ADAMTSL1: variants seen among roughly 807,000 people sequenced by gnomAD.
The protein encoded by ADAMTSL1 is ADAMTS-like protein 1.
ADAMTSL1 carries 126 observed loss-of-function variants against 201.8 expected under a neutral mutation model. The observed-to-expected ratio is 0.62, with a 90% confidence interval of 0.54 to 0.72. ADAMTSL1 has a LOEUF of 0.72. Among genes scored for constraint, ADAMTSL1 ranks in the 30% least tolerant of loss-of-function variants. ADAMTSL1 has a pLI of 0.00. For missense variants in ADAMTSL1, 2,679 were observed against 2,277.8 expected (o/e 1.18, Z -3.59); for synonymous variants, 1,121 against 903.4 (o/e 1.24, Z -4.32).
chr9:18,753,808 C>G (rs1819598226), intron 16 of ADAMTSL1, among the ~76,000 whole-genome samples: 1 of 152,136 alleles, frequency 6.6e-6, no homozygotes, highest in African/African-American at 2.4e-5. Context: ...TTTTTAAAAT[C>G]AAGACAATGT....
intron 1 of ADAMTSL1, among the ~76,000 whole-genome samples, chr9:18,160,569 T>A (rs532294021): frequency 6.6e-6 from 1 of 152,054 alleles, no homozygotes; most frequent in Admixed American, 6.6e-5. Context: ...CTGCAAGGTG[T>A]TTTTTTACAT....
chr9:18,428,516 A>C (rs1344683075), intron 2 of ADAMTSL1, among the ~76,000 whole-genome samples: 1 of 151,990 alleles, frequency 6.6e-6, no homozygotes, highest in Non-Finnish European at 1.5e-5. Flanking sequence ...GCTACTCAGG[A>C]GGCTGAGATG....
At position 18,400,145 on chromosome 9, in the gene ADAMTSL1, T is replaced by G. The variant is rs1258920159; in HGVS notation, c.208-104684T>G. Among the ~76,000 whole-genome samples the G allele has an allele frequency of 5.9e-5, 9 of 152,178 alleles. No homozygotes were observed. The East Asian group carries it at 1.7e-3, about 29-fold the overall frequency. On this transcript the variant is annotated intron_variant, in intron 2 of 29. Coordinates refer to the ADAMTSL1 transcript ENST00000680146. Reference sequence around the variant, plus strand: ...ACTCCCTCTTTCCAAAGCCATTAAGTTTTTTCTTTTTTTTACCCTAGAACT... The same window carrying G: ...ACTCCCTCTTTCCAAAGCCATTAAGGTTTTTCTTTTTTTTACCCTAGAACT...
chr9:18,422,376 A>G (rs1046264035), intron 2 of ADAMTSL1, among the ~76,000 whole-genome samples: 1 of 152,192 alleles, frequency 6.6e-6, no homozygotes, highest in Non-Finnish European at 1.5e-5. Context: ...AGACCATGAA[A>G]TAATACATTG....
In ADAMTSL1 at chr9:18,894,345, C is replaced by T. The variant is rs78031180; in HGVS notation, c.4851+1749C>T. ...CCTGGGTGACAGAGCAAAACCTTGT[C>T]TTTTTTTTTTTTTTTTGAAAAAGGT... On this transcript the variant is annotated intron_variant, in intron 26 of 28. Transcript: ENST00000380548. 1.7e-3 allele frequency among the ~76,000 whole-genome samples: 205 copies of T among 123,916 alleles called. 1 individual carries two copies. Among genetic ancestry groups the T allele is most frequent in the Admixed American group, 1.9e-3 (23 of 11,918 alleles). The allele number at this position is 123,916 out of a possible 152,430, so 81.3% of individuals were successfully genotyped here. A position where few individuals can be genotyped will look rare whatever the true frequency, so the allele number is the denominator to read the frequency against.
At chr9:18,601,694 T>G (rs945507165) in intron 4 of ADAMTSL1, among the ~76,000 whole-genome samples, 2 of 152,112 alleles carry the variant, frequency 1.3e-5, no homozygotes, top group African/African-American at 4.8e-5. Flanking sequence ...ATTAAATATG[T>G]GTAGCATATA....
chr9:18,481,584 C>A (rs968665645), intron 1 of ADAMTSL1, among the ~76,000 whole-genome samples: 1 of 152,072 alleles, frequency 6.6e-6, no homozygotes, highest in Non-Finnish European at 1.5e-5. Context: ...TCAATTTCCC[C>A]ACAAGCTGGT....
At chr9:18,616,297 T>C (rs904732521) in intron 4 of ADAMTSL1, among the ~76,000 whole-genome samples, 6 of 152,322 alleles carry the variant, frequency 3.9e-5, no homozygotes, top group Admixed American at 3.9e-4. Context: ...AGTGTTGGGA[T>C]TACAGGCATA....
chr9:18,651,840 G>C lies in ADAMTSL1; in HGVS notation c.835-5799G>C, dbSNP rs143094329. On this transcript the variant is annotated intron_variant, in intron 7 of 28. Coordinates refer to ENST00000380548, the MANE Select transcript of ADAMTSL1 (RefSeq NM_001040272.6). Reference sequence around the variant, plus strand: ...TACAAAACTTGCTTTTATTATAAGAGGTAACAATACAAGGAGTCTGGAGAG... The same window carrying C: ...TACAAAACTTGCTTTTATTATAAGACGTAACAATACAAGGAGTCTGGAGAG... Among the ~76,000 whole-genome samples the C allele has an allele frequency of 7.1e-3, 1,080 of 151,892 alleles. 27 individuals carry two copies. The highest frequency in any genetic ancestry group is 0.052 in the Admixed American group (792 of 15,220).
chr9:18,049,838 T>G (rs1283980218), intron 1 of ADAMTSL1, among the ~76,000 whole-genome samples: 2 of 152,156 alleles, frequency 1.3e-5, no homozygotes, highest in Non-Finnish European at 2.9e-5. Context: ...TTAGCCAGGA[T>G]GGTCTCGATC....
At chr9:18,154,249 C>T (rs190108650) in intron 1 of ADAMTSL1, among the ~76,000 whole-genome samples, 60 of 152,110 alleles carry the variant, frequency 3.9e-4, no homozygotes, top group African/African-American at 1.1e-3. Flanking sequence ...CCAACCCAAA[C>T]GTAGTGGTTT....
At chr9:18,059,734 T>C (rs935392540) in intron 1 of ADAMTSL1, among the ~76,000 whole-genome samples, 2 of 152,226 alleles carry the variant, frequency 1.3e-5, no homozygotes, top group African/African-American at 4.8e-5. Flanking sequence ...CCCATGTTTT[T>C]ATTCTTTTTA....
At chr9:18,080,539 T>C (rs1203493151) in intron 1 of ADAMTSL1, among the ~76,000 whole-genome samples, 3 of 152,220 alleles carry the variant, frequency 2.0e-5, no homozygotes, top group Non-Finnish European at 4.4e-5. Context: ...CGTATTATGT[T>C]GTCTCTACAA....
chr9:18,091,894 C>G (rs1366668715), intron 1 of ADAMTSL1, among the ~76,000 whole-genome samples: 1 of 151,854 alleles, frequency 6.6e-6, no homozygotes, highest in Non-Finnish European at 1.5e-5. Context: ...TTAGTGAACG[C>G]TAGAGAGGCT....
chr9:18,135,111 A>G (rs1803078218), intron 1 of ADAMTSL1, among the ~76,000 whole-genome samples: 1 of 152,136 alleles, frequency 6.6e-6, no homozygotes, highest in African/African-American at 2.4e-5. Flanking sequence ...TATCTGACTG[A>G]GATATTTCAG....
intron 2 of ADAMTSL1, among the ~76,000 whole-genome samples, chr9:18,288,793 C>A (rs1833129135): frequency 6.6e-6 from 1 of 152,168 alleles, no homozygotes; most frequent in Admixed American, 6.5e-5. Context: ...TGGCTGTTCC[C>A]AGGATAATTT....
At chr9:18,441,719 A>G (rs1820001811) in intron 2 of ADAMTSL1, among the ~76,000 whole-genome samples, 1 of 152,184 alleles carries the variant, frequency 6.6e-6, no homozygotes, top group Non-Finnish European at 1.5e-5. Context: ...AAGAAGACAA[A>G]AACCTTAAAT....
intron 2 of ADAMTSL1, among the ~76,000 whole-genome samples, chr9:18,288,855 G>A (rs4961632): frequency 0.42 from 63,386 of 151,986 alleles, 14,787 homozygotes; most frequent in South Asian, 0.62. Flanking sequence ...TAGGAAGCCA[G>A]TGTGGTATAA....
At chr9:18,906,972 G>A (rs986654016) in intron 28 of ADAMTSL1, 60 bp downstream of exon 28, 5 of 1,590,534 alleles carry the variant, frequency 3.1e-6, no homozygotes, top group Non-Finnish European at 4.3e-6. Flanking sequence ...AGTGCAGAGA[G>A]CAGTCCCTGG....
Sources: allele counts gnomAD v4.1 joint callset (sites outside exome capture counted in the v4.1 genomes callset), GRCh38; gene constraint gnomAD v4.1.1; transcripts MANE v1.5; gene names NCBI Gene and HGNC (gene_info 2026-07-23, HGNC 2026-07-21).